AGXT: variants seen among roughly 807,000 people sequenced by gnomAD.
AGXT encodes the protein L-alanine: glyoxylate aminotransferase 1.
A neutral mutation model predicts 46.9 loss-of-function variants in AGXT; 41 were observed. That is an observed-to-expected ratio of 0.88 (90% CI 0.68 to 1.14). The LOEUF is 1.14. Among genes scored for constraint, AGXT ranks in the 50% most tolerant of loss-of-function variants. The pLI, the probability that AGXT is intolerant of heterozygous loss-of-function variation, is 0.00. For missense variants in AGXT, 525 were observed against 522.7 expected, an observed-to-expected ratio of 1.00 and a Z score of -0.04; for synonymous variants, 244 against 227.9, an observed-to-expected ratio of 1.07 and a Z score of -0.64.
At chr2:240,875,505 C>G (rs1025002101) in intron 7 of AGXT, among the ~76,000 whole-genome samples, 3 of 152,260 alleles carry the variant, frequency 2.0e-5, no homozygotes, top group Non-Finnish European at 2.9e-5. Flanking sequence ...CCTGCCACAT[C>G]TCCCCACTCC....
chr2:240,873,086 C>T lies in AGXT; in HGVS notation c.595+37C>T, dbSNP rs372321721. The T allele has an allele frequency of 2.3e-5, 36 of 1,573,254 alleles. No individual in the cohort carries two copies. The Admixed American group carries it at 2.3e-4, about 10-fold the overall frequency. ...CTCTGAGAGCCCTACCCAGCCCAAG[C>T]AGCCTTGGGGCTCCGCGTGCAGGAA... On this transcript the variant is annotated intron_variant, in intron 5 of 10. Coordinates refer to ENST00000307503, the MANE Select transcript of AGXT (RefSeq NM_000030.3).
rs10199038 is a variant in AGXT, at chr2:240,877,905, C to T, written c.943-117C>T. ...GTGGGGTCCCTGCTCTCTCCCGGCCCTTTCTCCCCCGGCTCCTCTGGAACC... is the reference window on the plus strand; with the variant it reads ...GTGGGGTCCCTGCTCTCTCCCGGCCTTTTCTCCCCCGGCTCCTCTGGAACC... On this transcript the variant is annotated intron_variant, in intron 9 of 10. Coordinates refer to ENST00000307503, the MANE Select transcript of AGXT (RefSeq NM_000030.3). 536,576 of 1,455,124 alleles carry T rather than the reference C, an allele frequency of 0.37. 102,702 individuals carry two copies. Among genetic ancestry groups the T allele is most frequent in the Non-Finnish European group, 0.4 (426,906 of 1,063,732 alleles). 90.1% of individuals were successfully genotyped at this position (1,455,124 alleles called of 1,614,324 possible).
At position 240,880,241 on chromosome 2, in the gene AGXT, C is replaced by G. The variant is rs1330829716; in HGVS notation, c.*1420C>G. On this transcript the variant is annotated 3_prime_UTR_variant, in exon 11 of 11. Coordinates refer to ENST00000307503, the MANE Select transcript of AGXT (RefSeq NM_000030.3). ...GTGGCTCTTCCATGTTTCATTCCCG[C>G]AGCTACAGCGTCCAGGGTGCTCCAC... The G allele has an allele frequency of 6.6e-6, 1 of 152,244 alleles. No individual in the cohort carries two copies. Among genetic ancestry groups the G allele is most frequent in the Non-Finnish European group, 1.5e-5 (1 of 68,046 alleles). 9.4% of individuals were successfully genotyped at this position (152,244 alleles called of 1,614,324 possible).
rs202155784 is a variant in AGXT at position 240,875,129 on chromosome 2, A to C, written c.701A>C (p.Lys234Thr). Reference protein sequence around the residue: ...DKAKKKMYSRKTKPFSFYLDI... With the variant: ...DKAKKKMYSRTTKPFSFYLDI... Reference sequence around the variant, plus strand: ...CCCAGAAAGAAGATGTACTCCCGCAAGACGAAGCCCTTCTCCTTCTACCTG... The same window carrying C: ...CCCAGAAAGAAGATGTACTCCCGCACGACGAAGCCCTTCTCCTTCTACCTG... Residue 234 changes from lysine to threonine, a missense_variant, in exon 7 of 11, where the codon AAG (lysine) becomes ACG (threonine). Coordinates refer to ENST00000307503, the MANE Select transcript of AGXT (RefSeq NM_000030.3). 6 of 1,613,618 alleles carry C rather than the reference A, an allele frequency of 3.7e-6. No homozygotes were observed. Among genetic ancestry groups the C allele is most frequent in the Non-Finnish European group, 5.1e-6 (6 of 1,179,524 alleles).
At chr2:240,869,459 G>A in intron 2 of AGXT, 97 bp downstream of exon 2, 2 of 1,372,636 alleles carry the variant, frequency 1.5e-6, no homozygotes, top group Non-Finnish European at 1.9e-6. Context: ...GTTCCTGGGT[G>A]AGCGCTTACC....
chr2:240,876,784 G>A (rs775026172), intron 8 of AGXT: 3 of 161,338 alleles, frequency 1.9e-5, no homozygotes, highest in African/African-American at 4.8e-5. Flanking sequence ...GGGGGAAGGC[G>A]AGGGGTCAGG....
Position 240,869,579 on chromosome 2 carries a change from C to T in AGXT, c.358+217C>T, listed in dbSNP as rs558569573. On this transcript the variant is annotated intron_variant, in intron 2 of 10. Coordinates refer to ENST00000307503, the MANE Select transcript of AGXT (RefSeq NM_000030.3). ...GATAGGGCTGGGAGCAGCACAGGTG[C>T]CCCGATCCCCCCAGTCTCCTTGAGC... 2.6e-5 allele frequency among the ~76,000 whole-genome samples: 4 copies of T among 152,358 alleles called. No homozygotes were observed. The East Asian group carries it at 7.7e-4, about 29-fold the overall frequency.
At chr2:240,872,423 G>C (rs62189566) in intron 4 of AGXT, among the ~76,000 whole-genome samples, 691 of 42,024 alleles carry the variant, frequency 0.016, 3 homozygotes, top group Non-Finnish European at 0.025. Context: ...GAACATGCAG[G>C]AGGAGGGTGA....
At chr2:240,872,116 T>C (rs1396523059) in intron 4 of AGXT, among the ~76,000 whole-genome samples, 2 of 152,236 alleles carry the variant, frequency 1.3e-5, no homozygotes, top group Non-Finnish European at 2.9e-5. Context: ...TGTCTCTTTT[T>C]TCTTTATAAG....
chr2:240,873,565 C>T (rs923292256), intron 5 of AGXT: 30 of 292,788 alleles, frequency 1.0e-4, no homozygotes, highest in African/African-American at 5.5e-4. Flanking sequence ...GCATCCACTG[C>T]GGTGCCTGCC....
chr2:240,872,049 C>A (rs1373181706), intron 4 of AGXT, among the ~76,000 whole-genome samples: 1 of 152,244 alleles, frequency 6.6e-6, no homozygotes, highest in Non-Finnish European at 1.5e-5. Context: ...CATAACCTGG[C>A]CAGCTTCAGC....
Position 240,875,219 on chromosome 2 carries a change from G to A in AGXT, c.776+15G>A. ...CAGCCCAGGATGTGAGGCCTGGCAG[G>A]GATGGGAAGGTGGAGGGCGCTGGGC... On this transcript the variant is annotated intron_variant, in intron 7 of 10. Coordinates refer to ENST00000307503, the MANE Select transcript of AGXT (RefSeq NM_000030.3). 1 of 1,601,780 alleles carries A rather than the reference G, an allele frequency of 6.2e-7. No individual in the cohort carries two copies. Among genetic ancestry groups the A allele is most frequent in the Non-Finnish European group, 8.6e-7 (1 of 1,168,914 alleles).
intron 5 of AGXT, among the ~76,000 whole-genome samples, chr2:240,873,713 C>G (rs1044766394): frequency 2.6e-5 from 4 of 152,044 alleles, no homozygotes; most frequent in African/African-American, 9.7e-5. Context: ...CCCAGGGACA[C>G]GGTGCCTGGG....
rs1575708068 is a variant in AGXT, at chr2:240,870,626, A to C, written c.359-18A>C. On this transcript the variant is annotated intron_variant, in intron 2 of 10. Coordinates refer to ENST00000307503, the MANE Select transcript of AGXT (RefSeq NM_000030.3). Reference sequence around the variant, plus strand: ...AGTGTGTGCGGGACACTCACGGCCCACTCTGTCCTGCACCCAGGAGCCCGA... The same window carrying C: ...AGTGTGTGCGGGACACTCACGGCCCCCTCTGTCCTGCACCCAGGAGCCCGA... 6.5e-7 allele frequency: 1 copy of C among 1,550,248 alleles called. No homozygotes were observed. Among genetic ancestry groups the C allele is most frequent in the Non-Finnish European group, 8.7e-7 (1 of 1,146,970 alleles).
intron 4 of AGXT, 107 bp downstream of exon 4, chr2:240,871,556 G>A (rs2058990838): frequency 1.9e-6 from 2 of 1,052,016 alleles, no homozygotes; most frequent in African/African-American, 3.1e-5. Context: ...CCCCACCCCA[G>A]CCTCTGTCAC....
chr2:240,873,007 G>A lies in AGXT; in HGVS notation c.553G>A (p.Val185Met). 6.2e-7 allele frequency: 1 copy of A among 1,613,988 alleles called. No homozygotes were observed. Among genetic ancestry groups the A allele is most frequent in the South Asian group, 1.1e-5 (1 of 91,082 alleles). Residue 185 changes from valine to methionine, a missense_variant, in exon 5 of 11, where the codon GTG becomes ATG. Coordinates refer to ENST00000307503, the MANE Select transcript of AGXT (RefSeq NM_000030.3). ...CAAGTGCCTGCTCCTGGTGGATTCG[G>A]TGGCATCCCTGGGCGGGACCCCCCT... is the stretch of plus-strand genomic sequence containing the variant. ...RYKCLLLVDS[V>M]ASLGGTPLYM...
Position 240,875,105 on chromosome 2 carries a change from C to T in AGXT, c.681-4C>T, listed in dbSNP as rs1194558354. On this transcript the variant is annotated splice_region_variant and splice_polypyrimidine_tract_variant and intron_variant, in intron 6 of 10. Transcript: ENST00000307503. The stretch of plus-strand genomic sequence containing the variant: ...TGGTGCTCAGCCTGCTTCTTTCTCC[C>T]CAGAAAGAAGATGTACTCCCGCAAG... 1 of 1,604,294 alleles carries T rather than the reference C, an allele frequency of 6.2e-7. No individual in the cohort carries two copies. Among genetic ancestry groups the T allele is most frequent in the South Asian group, 1.1e-5 (1 of 90,862 alleles).
intron 10 of AGXT, 95 bp downstream of exon 10, chr2:240,878,245 C>A (rs2059039068): frequency 1.3e-6 from 2 of 1,543,332 alleles, no homozygotes; most frequent in South Asian, 1.2e-5. Context: ...AGGCCGGGGT[C>A]ATCCGAAAGC....
rs796052062 is a variant in AGXT, at chr2:240,873,049, G to A, written c.595G>A (p.Gly199Ser). 6 of 1,613,538 alleles carry A rather than the reference G, an allele frequency of 3.7e-6. No homozygotes were observed. The highest frequency in any genetic ancestry group is 5.1e-6 in the Non-Finnish European group (6 of 1,179,806). Residue 199 changes from glycine (G) to serine (S), a missense_variant and splice_region_variant, in exon 5 of 11, where the codon GGC becomes AGC. By Grantham distance (56) the Gly-to-Ser change is moderately conservative. Coordinates refer to ENST00000307503, the MANE Select transcript of AGXT (RefSeq NM_000030.3). ...GACCCCCCTTTACATGGACCGGCAA[G>A]GTAAGGGTGGGCTCTGAGAGCCCTA... ...GGTPLYMDRQ[G>S]IDILYSGSQK...
Sources: allele counts gnomAD v4.1 joint callset (sites outside exome capture counted in the v4.1 genomes callset), GRCh38; gene constraint gnomAD v4.1.1; transcripts MANE v1.5; gene names NCBI Gene and HGNC (gene_info 2026-07-23, HGNC 2026-07-21).